The following PAN3 variants were observed in gnomAD, a reference collection of about 807,000 sequenced individuals.
PAN3 encodes the protein PAN2-PAN3 deadenylation complex subunit PAN3.
PAN3 carries 19 observed loss-of-function variants against 96.2 expected under a neutral mutation model. That is an observed-to-expected ratio of 0.20 (90% CI 0.14 to 0.29). PAN3 has a LOEUF of 0.29. Ranked by LOEUF, PAN3 falls within the 10% of genes least tolerant of loss-of-function variation. The pLI is 1.00. For missense variants in PAN3, 882 were observed against 1,108.1 expected (o/e 0.80, Z 2.90); for synonymous variants, 433 against 406.6 (o/e 1.06, Z -0.78).
At chr13:28,230,606 T>A (rs1882444325) in intron 6 of PAN3, among the ~76,000 whole-genome samples, 1 of 152,222 alleles carries the variant, frequency 6.6e-6, no homozygotes, top group Admixed American at 6.5e-5. Context: ...TAATGTTAGA[T>A]AAATAAGAGG....
At chr13:28,269,640 A>G (rs1486530646) in intron 12 of PAN3, among the ~76,000 whole-genome samples, 1 of 152,126 alleles carries the variant, frequency 6.6e-6, no homozygotes, top group Non-Finnish European at 1.5e-5. Context: ...TTTCCTTATT[A>G]CTACATTAAT....
chr13:28,205,650 G>T (rs1316285462), intron 5 of PAN3, among the ~76,000 whole-genome samples: 1 of 151,944 alleles, frequency 6.6e-6, no homozygotes, highest in Non-Finnish European at 1.5e-5. Context: ...ACCAGCCTGG[G>T]CAACATAGTG....
At chr13:28,146,112 G>C (rs1870593679) in intron 1 of PAN3, among the ~76,000 whole-genome samples, 1 of 151,796 alleles carries the variant, frequency 6.6e-6, no homozygotes, top group African/African-American at 2.4e-5. Flanking sequence ...ATTTACATTG[G>C]AATAGAAGTG....
At chr13:28,142,561 G>A (rs1156647987) in intron 1 of PAN3, among the ~76,000 whole-genome samples, 1 of 144,514 alleles carries the variant, frequency 6.9e-6, no homozygotes, top group Non-Finnish European at 1.5e-5. Flanking sequence ...TGGCTACCAA[G>A]CACCTCTAAT....
At chr13:28,180,220 TA>T (rs1875588477) in intron 4 of PAN3, among the ~76,000 whole-genome samples, 1 of 152,210 alleles carries the variant, frequency 6.6e-6, no homozygotes, top group African/African-American at 2.4e-5. Flanking sequence ...AATGTCTGTC[TA>T]AATTGAAAGC....
chr13:28,265,272 C>T (rs1448173535), intron 9 of PAN3, among the ~76,000 whole-genome samples: 3 of 152,154 alleles, frequency 2.0e-5, no homozygotes, highest in African/African-American at 7.2e-5. Context: ...TTAAATGTTG[C>T]CCAGGCTGAA....
intron 4 of PAN3, among the ~76,000 whole-genome samples, chr13:28,184,579 C>T (rs1876221722): frequency 1.3e-5 from 2 of 151,906 alleles, no homozygotes; most frequent in African/African-American, 4.8e-5. Flanking sequence ...GTTTCTGGGG[C>T]AAGAATAGAC....
At chr13:28,243,907 C>T (rs1185266908) in intron 6 of PAN3, among the ~76,000 whole-genome samples, 8 of 152,094 alleles carry the variant, frequency 5.3e-5, no homozygotes, top group South Asian at 2.1e-4. Context: ...AGGCTGGTCT[C>T]GAACTCCTGA....
rs376666112 is a variant in PAN3, at chr13:28,257,901, C to A, written c.1248+1362C>A. ...AGTCTTTGTTCACTGCAGCCTCCGCCTCCTGGGTTCAAGCATTCCTCTCAC... is the reference window on the plus strand; with the variant it reads ...AGTCTTTGTTCACTGCAGCCTCCGCATCCTGGGTTCAAGCATTCCTCTCAC... On this transcript the variant is annotated intron_variant, in intron 7 of 18. Coordinates refer to ENST00000380958, the MANE Select transcript of PAN3 (RefSeq NM_175854.8). 2.6e-4 allele frequency among the ~76,000 whole-genome samples: 39 copies of A among 151,108 alleles called. 2 individuals carry two copies. In the East Asian group the frequency reaches 5.8e-3, roughly 22 times the overall value.
chr13:28,280,611 G>C, intron 16 of PAN3, 70 bp downstream of exon 16: 1 of 1,351,722 alleles, frequency 7.4e-7, no homozygotes, highest in Non-Finnish European at 9.8e-7. Flanking sequence ...ACCCAGGCTG[G>C]AGTGCAGTGG....
chr13:28,160,357 A>G (rs951954406), intron 1 of PAN3, among the ~76,000 whole-genome samples: 3 of 152,202 alleles, frequency 2.0e-5, no homozygotes, highest in African/African-American at 4.8e-5. Context: ...CGCTAAGGAC[A>G]TGGTTTAGGG....
At chr13:28,284,698 TG>T (rs1240155459) in intron 17 of PAN3, among the ~76,000 whole-genome samples, 1 of 152,226 alleles carries the variant, frequency 6.6e-6, no homozygotes, top group East Asian at 1.9e-4. Flanking sequence ...TTTTCCCCAC[TG>T]GTTTTTGAAG....
intron 1 of PAN3, among the ~76,000 whole-genome samples, chr13:28,167,082 ATTTTTTTT>A (rs1158467405): frequency 1.7e-5 from 2 of 118,338 alleles, no homozygotes. Context: ...TTTTATCTTA[ATTTTTTTT>A]TTTTTTTTTT....
intron 5 of PAN3, 114 bp from the exon 6 acceptor site, chr13:28,220,117 C>T: frequency 9.8e-7 from 1 of 1,017,502 alleles, no homozygotes; most frequent in Non-Finnish European, 1.4e-6. Flanking sequence ...CTTGTTAATC[C>T]TTTCAATAAT....
chr13:28,208,441 C>A (rs1879626886), intron 5 of PAN3, among the ~76,000 whole-genome samples: 2 of 152,090 alleles, frequency 1.3e-5, no homozygotes, highest in African/African-American at 4.8e-5. Flanking sequence ...GTTATTGGAG[C>A]ACTTTTACAT....
chr13:28,272,150 G>A (rs534098625), intron 14 of PAN3, 79 bp downstream of exon 14: 48 of 1,014,638 alleles, frequency 4.7e-5, no homozygotes, highest in Non-Finnish European at 6.3e-5. Context: ...GTATTTCAGT[G>A]TTTTAAGCCT....
rs1869152662 is a variant in PAN3, at chr13:28,138,785, G to C, written c.128G>C (p.Gly43Ala). ...GGTGTCCCCGGCGGGGCGGCGGTAG[G>C]AGTGAAGCTGAAGTACTGCCGCTAC... is the stretch of plus-strand genomic sequence containing the variant. ...VGGVPGGAAV[G>A]VKLKYCRYYA... The change falls in exon 1 of 19, where the codon GGA becomes GCA. Residue 43 changes from glycine (G) to alanine (A), a missense_variant. Transcript: ENST00000380958. The C allele has an allele frequency of 1.4e-6, 2 of 1,392,512 alleles. No individual in the cohort carries two copies. The highest frequency in any genetic ancestry group is 6.6e-5 in the Admixed American group (2 of 30,284). The allele number at this position is 1,392,512 out of a possible 1,614,324, so 86.3% of individuals were successfully genotyped here.
At chr13:28,277,624 A>G (rs914992423) in intron 15 of PAN3, among the ~76,000 whole-genome samples, 59 of 152,120 alleles carry the variant, frequency 3.9e-4, no homozygotes, top group African/African-American at 1.4e-3. Context: ...GGTATCCACT[A>G]GCTACATGTG....
chr13:28,173,283 T>C (rs974255117), intron 1 of PAN3, among the ~76,000 whole-genome samples: 4 of 152,208 alleles, frequency 2.6e-5, no homozygotes, highest in Admixed American at 6.5e-5. Context: ...AATAAATAGT[T>C]CTTTTTTTTC....
Sources: allele counts gnomAD v4.1 joint callset (sites outside exome capture counted in the v4.1 genomes callset), GRCh38; gene constraint gnomAD v4.1.1; transcripts MANE v1.5; gene names NCBI Gene and HGNC (gene_info 2026-07-23, HGNC 2026-07-21).